The following LARGE1 variants were observed in gnomAD, a reference collection of about 807,000 sequenced individuals.
The protein encoded by LARGE1 is LARGE xylosyl- and glucuronyltransferase 1.
In LARGE1, 43 loss-of-function variants were observed where a neutral mutation model predicts 87.6. The ratio of observed to expected loss-of-function variants is 0.49; its 90% confidence interval spans 0.38 to 0.63. LARGE1 has a LOEUF of 0.63. LARGE1 is among the 30% of genes least tolerant of loss of function. LARGE1 has a pLI of 0.00. For synonymous variants in LARGE1, 434 were observed against 394.6 expected (o/e 1.10, Z -1.18); for missense variants, 802 against 1,000.2 (o/e 0.80, Z 2.67).
chr22:33,776,306 C>T (rs1209305494), intron 1 of LARGE1, among the ~76,000 whole-genome samples: 1 of 152,182 alleles, frequency 6.6e-6, no homozygotes, highest in Admixed American at 6.5e-5. Context: ...GACATTACTT[C>T]TAGCATAGAG....
the LARGE1 span, among the ~76,000 whole-genome samples, chr22:33,119,723 G>A: frequency 6.6e-6 from 1 of 152,328 alleles, no homozygotes; most frequent in East Asian, 1.9e-4. Flanking sequence ...CAACCACCCT[G>A]AGGGGTCTTT....
chr22:33,597,781 T>C (rs1441086904), intron 5 of LARGE1, among the ~76,000 whole-genome samples: 2 of 152,134 alleles, frequency 1.3e-5, no homozygotes, highest in African/African-American at 2.4e-5. Context: ...AGTGATGGCA[T>C]GGGGGTGACT....
intron 1 of LARGE1, among the ~76,000 whole-genome samples, chr22:33,798,935 G>A (rs1182163449): frequency 4.6e-5 from 7 of 152,112 alleles, no homozygotes; most frequent in Non-Finnish European, 1.0e-4. Flanking sequence ...TAAAAGTCAG[G>A]CATTTCAGCT....
chr22:33,652,804 C>T (rs1214928026), intron 2 of LARGE1, among the ~76,000 whole-genome samples: 1 of 152,086 alleles, frequency 6.6e-6, no homozygotes, highest in Admixed American at 6.6e-5. Flanking sequence ...TATCTTTGGG[C>T]CTTAACAAAT....
At chr22:33,824,287 A>G (rs1424171146) in intron 1 of LARGE1, among the ~76,000 whole-genome samples, 3 of 152,220 alleles carry the variant, frequency 2.0e-5, no homozygotes, top group African/African-American at 7.2e-5. Context: ...TGCAAGCTGT[A>G]CAGGAAGCAT....
At position 33,368,315 on chromosome 22, in the gene LARGE1, C is replaced by T. The variant is rs190192172; in HGVS notation, c.1131+13604G>A. On this transcript the variant is annotated intron_variant, in intron 9 of 14. Coordinates refer to ENST00000397394, the MANE Select transcript of LARGE1 (RefSeq NM_133642.5). ...GGAGGCCGAGGTGGGAGGCCGATCA[C>T]CTGAGGTCAAGAGTTTGAGACCAGC... is the stretch of plus-strand genomic sequence containing the variant. Among the ~76,000 whole-genome samples, 293 of 152,140 alleles carry T rather than the reference C, an allele frequency of 1.9e-3. 1 individual carries two copies. The highest frequency in any genetic ancestry group is 6.9e-3 in the African/African-American group (285 of 41,518).
intron 6 of LARGE1, among the ~76,000 whole-genome samples, chr22:33,452,681 C>T (rs2067982273): frequency 6.6e-6 from 1 of 152,178 alleles, no homozygotes; most frequent in Non-Finnish European, 1.5e-5. Flanking sequence ...TCAGCGCCAT[C>T]AAAGGTGCTG....
chr22:33,910,843 AG>A (rs1376277454), intron 1 of LARGE1, among the ~76,000 whole-genome samples: 1 of 152,240 alleles, frequency 6.6e-6, no homozygotes, highest in Admixed American at 6.5e-5. Flanking sequence ...CTAGTAGGCT[AG>A]GAACAAAGAA....
intron 12 of LARGE1, among the ~76,000 whole-genome samples, chr22:33,284,654 G>A (rs1408015707): frequency 2.0e-5 from 3 of 151,796 alleles, no homozygotes; most frequent in South Asian, 2.1e-4. Context: ...CTTGGCTCAC[G>A]GCAACCTCAG....
intron 11 of LARGE1, among the ~76,000 whole-genome samples, chr22:33,188,984 G>A (rs546441316): frequency 6.6e-6 from 1 of 152,090 alleles, no homozygotes; most frequent in Non-Finnish European, 1.5e-5. Flanking sequence ...AGTGATCGTG[G>A]ACACAAGGTG....
At chr22:33,321,906 C>T (rs1381693325) in intron 10 of LARGE1, among the ~76,000 whole-genome samples, 1 of 152,110 alleles carries the variant, frequency 6.6e-6, no homozygotes, top group Non-Finnish European at 1.5e-5. Context: ...GCAACCTCTG[C>T]CTCCCGGGTT....
intron 1 of LARGE1, among the ~76,000 whole-genome samples, chr22:33,776,946 GATGGTCAGC>G (rs1394329112): frequency 6.6e-6 from 1 of 152,184 alleles, no homozygotes; most frequent in African/African-American, 2.4e-5. Context: ...GGGATGCAGA[GATGGTCAGC>G]ACATGGGCCC....
chr22:33,273,793 TAAACAAAACCCCCAAAGAA>T lies in LARGE1; in HGVS notation c.*615_*633del, dbSNP rs542763221. On this transcript the variant is annotated 3_prime_UTR_variant, in exon 15 of 15. Coordinates refer to ENST00000397394, the MANE Select transcript of LARGE1 (RefSeq NM_133642.5). Reference sequence around the variant, plus strand: ...TATTTTGGATTGCCAGCCCCAAAAATAAACAAAACCCCCAAAGAAAAACAAAACAAAACAGGAGTGACTT... The same window carrying T: ...TATTTTGGATTGCCAGCCCCAAAAATAAACAAAACAAAACAGGAGTGACTT... The T allele has an allele frequency of 3.4e-4, 136 of 397,926 alleles. No individual in the cohort carries two copies. In the East Asian group the frequency reaches 4.4e-3, roughly 13 times the overall value. 24.6% of individuals were successfully genotyped at this position (397,926 alleles called of 1,614,324 possible). A position where few individuals can be genotyped will look rare whatever the true frequency, so the allele number is the denominator to read the frequency against.
intron 2 of LARGE1, among the ~76,000 whole-genome samples, chr22:33,684,651 C>T (rs1488021156): frequency 2.6e-5 from 4 of 152,170 alleles, no homozygotes; most frequent in African/African-American, 9.6e-5. Flanking sequence ...AAGTTCCTCA[C>T]TAGGACATGC....
chr22:33,489,925 T>C (rs753508665), intron 6 of LARGE1, among the ~76,000 whole-genome samples: 83 of 152,202 alleles, frequency 5.5e-4, no homozygotes, highest in Non-Finnish European at 1.1e-3. Flanking sequence ...GTGGTGTTGC[T>C]GTCTCTAAAG....
the LARGE1 span, among the ~76,000 whole-genome samples, chr22:33,127,514 T>C: frequency 6.6e-6 from 1 of 152,238 alleles, no homozygotes; most frequent in East Asian, 1.9e-4. Context: ...TCAAGCACCA[T>C]AAACAACAGA....
intron 6 of LARGE1, among the ~76,000 whole-genome samples, chr22:33,468,772 T>G (rs1235955716): frequency 6.6e-6 from 1 of 152,152 alleles, no homozygotes; most frequent in South Asian, 2.1e-4. Flanking sequence ...AAATCCAGGT[T>G]TGTCTGACTT....
intron 6 of LARGE1, among the ~76,000 whole-genome samples, chr22:33,532,642 T>C (rs1641374831): frequency 6.6e-6 from 1 of 152,256 alleles, no homozygotes; most frequent in Admixed American, 6.5e-5. Context: ...CAAATTATTC[T>C]TATCATCATC....
At chr22:33,334,266 T>C (rs1477825177) in intron 10 of LARGE1, among the ~76,000 whole-genome samples, 1 of 151,594 alleles carries the variant, frequency 6.6e-6, no homozygotes, top group African/African-American at 2.4e-5. Context: ...ATACAAAAAT[T>C]AGCTGGGCAT....
Sources: allele counts gnomAD v4.1 joint callset (sites outside exome capture counted in the v4.1 genomes callset), GRCh38; gene constraint gnomAD v4.1.1; transcripts MANE v1.5; gene names NCBI Gene and HGNC (gene_info 2026-07-23, HGNC 2026-07-21).